The following RHPN2 variants were observed in gnomAD, a reference collection of about 807,000 sequenced individuals.
RHPN2 encodes rhophilin Rho GTPase binding protein 2.
A neutral mutation model predicts 79.0 loss-of-function variants in RHPN2; 40 were observed. The ratio of observed to expected loss-of-function variants is 0.51; its 90% CI spans 0.39 to 0.66. The LOEUF (loss-of-function observed/expected upper bound fraction) is 0.66, where lower values mean the gene tolerates loss of function less well. Among genes scored for constraint, RHPN2 ranks in the 30% least tolerant of loss-of-function variants. The pLI is 0.00. For synonymous variants in RHPN2, 285 were observed against 363.5 expected (o/e 0.78, Z 2.46); for missense variants, 686 against 883.5 (o/e 0.78, Z 2.83).
intron 1 of RHPN2, among the ~76,000 whole-genome samples, chr19:33,054,913 G>C (rs571332452): frequency 6.6e-6 from 1 of 152,280 alleles, no homozygotes; most frequent in African/African-American, 2.4e-5. Context: ...TGAAAATTCT[G>C]TTTCTGCCAG....
intron 2 of RHPN2, among the ~76,000 whole-genome samples, chr19:33,039,603 T>G (rs1328216725): frequency 6.6e-6 from 1 of 152,098 alleles, no homozygotes; most frequent in Non-Finnish European, 1.5e-5. Context: ...TTTGGGAGGC[T>G]GAGGCAGACA....
intron 3 of RHPN2, among the ~76,000 whole-genome samples, chr19:33,023,493 A>C (rs1349422306): frequency 6.6e-6 from 1 of 151,548 alleles, no homozygotes; most frequent in East Asian, 1.9e-4. Flanking sequence ...GAAACAATCT[A>C]CTTTGAAAAC....
Position 33,011,681 on chromosome 19 carries a change from G to A in RHPN2, c.591C>T (p.Thr197=). ...PPTRQMGLLF[T]WYDSLTGVPV... ...CAGCGCAGACCTCAAGCACCTACCA[G>A]GTGAACAGGAGTCCCATCTGCCGTG... Residue 197 remains threonine (T), a splice_region_variant and synonymous_variant, in exon 6 of 15, where the codon ACC becomes ACT. Coordinates refer to ENST00000254260, the MANE Select transcript of RHPN2 (RefSeq NM_033103.5). The A allele has an allele frequency of 6.2e-7, 1 of 1,613,980 alleles. No individual in the cohort carries two copies. The highest frequency in any genetic ancestry group is 8.5e-7 in the Non-Finnish European group (1 of 1,179,862).
At chr19:33,062,749 C>CA (rs1972291226) in intron 1 of RHPN2, among the ~76,000 whole-genome samples, 1 of 148,402 alleles carries the variant, frequency 6.7e-6, no homozygotes, top group Non-Finnish European at 1.5e-5. Flanking sequence ...GCCTGAGCGA[C>CA]AGAGTGAGAC....
At chr19:32,992,262 G>A in intron 12 of RHPN2, 1 of 370,590 alleles carries the variant, frequency 2.7e-6, no homozygotes, top group South Asian at 2.5e-5. Context: ...AGAGTGTGGT[G>A]GTATGATCTC....
chr19:32,988,837 T>C (rs1971631635), intron 14 of RHPN2, among the ~76,000 whole-genome samples: 1 of 152,196 alleles, frequency 6.6e-6, no homozygotes, highest in Admixed American at 6.5e-5. Flanking sequence ...GTTACAGGTC[T>C]TTTTTCCTTT....
chr19:32,982,522 T>C (rs544803620), intron 14 of RHPN2, among the ~76,000 whole-genome samples: 7 of 152,110 alleles, frequency 4.6e-5, no homozygotes, highest in Non-Finnish European at 8.8e-5. Flanking sequence ...GCCTCTTCCT[T>C]TTCTGGAAAA....
rs1297149220 is a variant in RHPN2, at chr19:32,994,126, T to G, written c.1421-73A>C. The stretch of plus-strand genomic sequence containing the variant: ...AAGTGATCCTAATAGTCCAGTGTTG[T>G]GGCTCACGCCTGTAATCCCAGCACT... On this transcript the variant is annotated intron_variant, in intron 11 of 14. Coordinates refer to ENST00000254260, the MANE Select transcript of RHPN2 (RefSeq NM_033103.5). 4.4e-6 allele frequency: 5 copies of G among 1,134,280 alleles called. No individual in the cohort carries two copies. In the Admixed American group the frequency reaches 5.2e-5, roughly 12 times the overall value. The allele number at this position is 1,134,280 out of a possible 1,614,324, so 70.3% of individuals were successfully genotyped here. A position where few individuals can be genotyped will look rare whatever the true frequency, so the allele number is the denominator to read the frequency against.
Position 32,999,484 on chromosome 19 carries a change from C to T in RHPN2, c.1225+102G>A. ...GTGGCCACGATGACTCGGAACACCC[C>T]CCTCTCCCGGGCCCTCTTCAGGGAC... On this transcript the variant is annotated intron_variant, in intron 10 of 14. Transcript: ENST00000254260. The T allele has an allele frequency of 2.1e-6, 3 of 1,449,354 alleles. No individual in the cohort carries two copies. In the South Asian group the frequency reaches 3.5e-5, roughly 17 times the overall value. 89.8% of individuals were successfully genotyped at this position (1,449,354 alleles called of 1,614,324 possible).
intron 1 of RHPN2, chr19:33,051,632 A>T (rs1972188785): frequency 5.3e-6 from 1 of 189,168 alleles, no homozygotes; most frequent in Non-Finnish European, 1.2e-5. Context: ...ATGTTATCCT[A>T]GGTGAAATCT....
chr19:33,056,821 G>A (rs1297327065), intron 1 of RHPN2, among the ~76,000 whole-genome samples: 1 of 151,986 alleles, frequency 6.6e-6, no homozygotes, highest in South Asian at 2.1e-4. Flanking sequence ...CAAAGAGTTC[G>A]AGACCAGGCC....
At chr19:33,051,964 C>T (rs2145268939) in intron 1 of RHPN2, among the ~76,000 whole-genome samples, 1 of 144,066 alleles carries the variant, frequency 6.9e-6, no homozygotes, top group African/African-American at 2.7e-5. Flanking sequence ...GCCCTCCTGC[C>T]TGGGTGACAG....
chr19:32,982,199 G>A (rs1187467556), intron 14 of RHPN2, among the ~76,000 whole-genome samples: 1 of 152,064 alleles, frequency 6.6e-6, no homozygotes, highest in Non-Finnish European at 1.5e-5. Flanking sequence ...CTTGAGGCCA[G>A]GAGTTCAAGA....
intron 1 of RHPN2, among the ~76,000 whole-genome samples, chr19:33,056,941 C>T (rs61023038): frequency 7.0e-6 from 1 of 142,002 alleles, no homozygotes; most frequent in Non-Finnish European, 1.5e-5. Flanking sequence ...AACCCCATCT[C>T]TAATAAAAAT....
At chr19:33,060,675 G>A (rs1972272319) in intron 1 of RHPN2, among the ~76,000 whole-genome samples, 2 of 152,170 alleles carry the variant, frequency 1.3e-5, no homozygotes, top group Non-Finnish European at 2.9e-5. Flanking sequence ...TGGGATTACA[G>A]GAACACAACA....
intron 4 of RHPN2, among the ~76,000 whole-genome samples, chr19:33,017,433 G>A (rs552399346): frequency 1.3e-5 from 2 of 152,016 alleles, no homozygotes; most frequent in African/African-American, 2.4e-5. Flanking sequence ...AAATTAAATC[G>A]TAAAGAAACT....
intron 3 of RHPN2, among the ~76,000 whole-genome samples, chr19:33,025,324 A>C (rs1317695419): frequency 5.3e-5 from 8 of 151,150 alleles, no homozygotes; most frequent in Non-Finnish European, 8.8e-5. Flanking sequence ...AAAAAAAAAA[A>C]AAAAACAATT....
At chr19:33,044,837 T>C (rs1417510526) in intron 1 of RHPN2, among the ~76,000 whole-genome samples, 1 of 152,148 alleles carries the variant, frequency 6.6e-6, no homozygotes, top group Non-Finnish European at 1.5e-5. Flanking sequence ...AAGGTTGCAG[T>C]GAGCCGAGAT....
intron 1 of RHPN2, among the ~76,000 whole-genome samples, chr19:33,050,542 C>T (rs1341471109): frequency 6.6e-6 from 1 of 152,200 alleles, no homozygotes; most frequent in African/African-American, 2.4e-5. Context: ...ACTCTGATTT[C>T]TATCACCACA....
Sources: gnomAD v4.1 joint callset for allele counts (sites outside exome capture counted in the v4.1 genomes callset) on GRCh38, gnomAD v4.1.1 for gene constraint, MANE v1.5 for transcripts, NCBI Gene and HGNC (gene_info 2026-07-23, HGNC 2026-07-21) for gene names.